The following SGPP2 variants were observed in gnomAD, a reference collection of about 807,000 sequenced individuals.
SGPP2 encodes sphingosine-1-phosphate phosphatase 2, also known as sphingosine 1-phosphate phosphohydrolase 2.
In SGPP2, 30 loss-of-function variants were observed where a neutral mutation model predicts 33.9. The ratio of observed to expected loss-of-function variants is 0.89; its 90% CI spans 0.66 to 1.20. The LOEUF (loss-of-function observed/expected upper bound fraction) is 1.20, where lower values mean the gene tolerates loss of function less well. Ranked by LOEUF, SGPP2 falls within the 50% of genes most tolerant of loss-of-function variation. The pLI is 0.00. For missense variants in SGPP2, 458 were observed against 532.1 expected (o/e 0.86, Z 1.37); for synonymous variants, 233 against 225.0 (o/e 1.04, Z -0.32).
chr2:222,556,043 A>T (rs1292839665), intron 4 of SGPP2, among the ~76,000 whole-genome samples: 3 of 152,194 alleles, frequency 2.0e-5, no homozygotes, highest in Non-Finnish European at 4.4e-5. Context: ...CCAAGGGGAA[A>T]TATGGGGCTG....
rs1443141546 is a variant in SGPP2, at chr2:222,522,039, C to A, written c.558+93C>A. 6 of 1,165,696 alleles carry A rather than the reference C, an allele frequency of 5.1e-6. No individual in the cohort carries two copies. The East Asian group carries it at 1.4e-4, about 26-fold the overall frequency. The allele number at this position is 1,165,696 out of a possible 1,614,324, so 72.2% of individuals were successfully genotyped here. A position where few individuals can be genotyped will look rare whatever the true frequency, so the allele number is the denominator to read the frequency against. On this transcript the variant is annotated intron_variant, in intron 3 of 4. Coordinates refer to ENST00000321276, the MANE Select transcript of SGPP2 (RefSeq NM_152386.4). ...TTTCTCTTAAAGCTGCTTTGAGGGA[C>A]CTTAAGGTTTATGAAATAAAGATTA...
At chr2:222,483,280 C>T (rs139736782) in intron 2 of SGPP2, among the ~76,000 whole-genome samples, 16 of 151,696 alleles carry the variant, frequency 1.1e-4, no homozygotes, top group Non-Finnish European at 1.9e-4. Context: ...AAGGAAAATG[C>T]GTAATTGCGT....
In SGPP2 at chr2:222,511,947, G is replaced by A. The variant is rs113105955; in HGVS notation, c.379-9820G>A. Among the ~76,000 whole-genome samples the A allele has an allele frequency of 4.3e-3, 652 of 152,166 alleles. 1 individual carries two copies. Among genetic ancestry groups the A allele is most frequent in the Non-Finnish European group, 7.2e-3 (492 of 67,994 alleles). On this transcript the variant is annotated intron_variant, in intron 2 of 4. Transcript: ENST00000321276. Reference sequence around the variant, plus strand: ...CCTTCCTTGGCCTCCCAAAGTGCTGGGATTACAGGTATGAGCCACCATGCC... The same window carrying A: ...CCTTCCTTGGCCTCCCAAAGTGCTGAGATTACAGGTATGAGCCACCATGCC...
intron 2 of SGPP2, among the ~76,000 whole-genome samples, chr2:222,497,439 G>A (rs1006303771): frequency 9.2e-5 from 14 of 151,842 alleles, no homozygotes; most frequent in African/African-American, 1.2e-4. Flanking sequence ...TAGAGATAGC[G>A]TTTCACCATG....
intron 1 of SGPP2, among the ~76,000 whole-genome samples, chr2:222,442,227 T>C (rs1697335382): frequency 6.6e-6 from 1 of 152,240 alleles, no homozygotes; most frequent in African/African-American, 2.4e-5. Context: ...TTCTGTTGTT[T>C]CTTTAAAAGT....
chr2:222,534,011 G>A (rs1158084326), intron 4 of SGPP2, among the ~76,000 whole-genome samples: 1 of 152,146 alleles, frequency 6.6e-6, no homozygotes, highest in African/African-American at 2.4e-5. Flanking sequence ...GCATACAGGA[G>A]GCTCAGTTCT....
In SGPP2 at chr2:222,424,755, C is replaced by T. The variant is rs1340337743; in HGVS notation, c.153C>T (p.Leu51=). The change falls in exon 1 of 5, where the codon CTC becomes CTT. Residue 51 remains leucine, a synonymous_variant. Coordinates refer to ENST00000321276, the MANE Select transcript of SGPP2 (RefSeq NM_152386.4). ...RAARVPGVEH[L]PAANGKGGEA... ...CGCGGGTCCCCGGGGTCGAGCATCT[C>T]CCCGCAGCCAACGGCAAGGGCGGCG... is the stretch of plus-strand genomic sequence containing the variant. 2.1e-6 allele frequency: 3 copies of T among 1,412,482 alleles called. No homozygotes were observed. Among genetic ancestry groups the T allele is most frequent in the Admixed American group, 5.7e-5 (2 of 35,124 alleles). The allele number at this position is 1,412,482 out of a possible 1,614,324, so 87.5% of individuals were successfully genotyped here.
intron 1 of SGPP2, among the ~76,000 whole-genome samples, chr2:222,463,692 G>A (rs897014989): frequency 6.6e-6 from 1 of 152,250 alleles, no homozygotes; most frequent in Non-Finnish European, 1.5e-5. Context: ...AAAGAGGGAA[G>A]TGGGAAAGCC....
chr2:222,554,751 C>T (rs1689358721), intron 4 of SGPP2, among the ~76,000 whole-genome samples: 1 of 152,162 alleles, frequency 6.6e-6, no homozygotes, highest in South Asian at 2.1e-4. Context: ...GGGAACCTCG[C>T]CAGGGGTCCA....
chr2:222,494,405 G>A (rs770616502), intron 2 of SGPP2, among the ~76,000 whole-genome samples: 14 of 152,254 alleles, frequency 9.2e-5, no homozygotes, highest in Non-Finnish European at 1.5e-4. Context: ...GAATGTTCAC[G>A]AATGAGCAAA....
At chr2:222,523,125 G>C (rs188495661) in intron 3 of SGPP2, among the ~76,000 whole-genome samples, 3 of 152,344 alleles carry the variant, frequency 2.0e-5, no homozygotes, top group East Asian at 1.9e-4. Flanking sequence ...GCCTCATGTA[G>C]CTGGAAAGAC....
Position 222,424,736 on chromosome 2 carries a change from T to A in SGPP2, c.134T>A (p.Val45Asp). The A allele has an allele frequency of 7.0e-7, 1 of 1,428,256 alleles. No individual in the cohort carries two copies. Among genetic ancestry groups the A allele is most frequent in the Non-Finnish European group, 9.2e-7 (1 of 1,092,390 alleles). The allele number at this position is 1,428,256 out of a possible 1,614,324, so 88.5% of individuals were successfully genotyped here. The change falls in exon 1 of 5, where the codon GTC (valine) becomes GAC (aspartate). Residue 45 changes from valine (V) to aspartate (D), a missense_variant. Coordinates refer to ENST00000321276, the MANE Select transcript of SGPP2 (RefSeq NM_152386.4). ...GACCCCACGGAGCGCGCGGCGCGGG[T>A]CCCCGGGGTCGAGCATCTCCCCGCA... is the stretch of plus-strand genomic sequence containing the variant. The part of the protein sequence containing the change: ...GADPTERAAR[V>D]PGVEHLPAAN...
chr2:222,511,302 A>AT lies in SGPP2; in HGVS notation c.379-10461dup, dbSNP rs576879356. 2.8e-4 allele frequency among the ~76,000 whole-genome samples: 43 copies of AT among 152,212 alleles called. No individual in the cohort carries two copies. In the East Asian group the frequency reaches 6.6e-3, roughly 23 times the overall value. On this transcript the variant is annotated intron_variant, in intron 2 of 4. Coordinates refer to ENST00000321276, the MANE Select transcript of SGPP2 (RefSeq NM_152386.4). ...AATGGTCGACTATCCAGAGAACCAG[A>AT]TTTTCTTTCTATCTATATATTACAT...
At chr2:222,515,274 T>C (rs1698586995) in intron 2 of SGPP2, among the ~76,000 whole-genome samples, 1 of 152,150 alleles carries the variant, frequency 6.6e-6, no homozygotes, top group Non-Finnish European at 1.5e-5. Context: ...TGGTGCCTCA[T>C]CACCAGGTCC....
chr2:222,554,982 C>T (rs1344382607), intron 4 of SGPP2, among the ~76,000 whole-genome samples: 2 of 152,250 alleles, frequency 1.3e-5, no homozygotes, highest in East Asian at 3.9e-4. Flanking sequence ...CCTCAAGCCT[C>T]CCTCCTCCCA....
chr2:222,553,679 G>C (rs780361419), intron 4 of SGPP2, among the ~76,000 whole-genome samples: 1 of 152,182 alleles, frequency 6.6e-6, no homozygotes, highest in African/African-American at 2.4e-5. Context: ...GAAAGGATTC[G>C]TCCTTTTGGA....
At chr2:222,512,380 T>C (rs149128537) in intron 2 of SGPP2, among the ~76,000 whole-genome samples, 1,550 of 152,116 alleles carry the variant, frequency 0.01, 20 homozygotes, top group Middle Eastern at 0.017. Flanking sequence ...AGAGTTCTCA[T>C]ATACCTTCTC....
chr2:222,559,158 CGCG>C lies in SGPP2; in HGVS notation c.*261_*263del, dbSNP rs201218913. The C allele has an allele frequency of 0.2, 14,681 of 73,056 alleles. 1,672 individuals carry two copies. Among genetic ancestry groups the C allele is most frequent in the East Asian group, 0.34 (1,426 of 4,134 alleles). 4.5% of individuals were successfully genotyped at this position (73,056 alleles called of 1,614,324 possible). On this transcript the variant is annotated 3_prime_UTR_variant, in exon 5 of 5. Coordinates refer to ENST00000321276, the MANE Select transcript of SGPP2 (RefSeq NM_152386.4). ...AATCCGGATCTTTAAAGGCACACAC[CGCG>C]CCCCCCCCCCCCCCGCCCGGCCCCT...
At chr2:222,488,622 T>C (rs911772288) in intron 2 of SGPP2, among the ~76,000 whole-genome samples, 1 of 152,166 alleles carries the variant, frequency 6.6e-6, no homozygotes, top group Non-Finnish European at 1.5e-5. Flanking sequence ...CTAGGAATCA[T>C]GTGGCCTTAC....
Sources: allele counts gnomAD v4.1 joint callset (sites outside exome capture counted in the v4.1 genomes callset), GRCh38; gene constraint gnomAD v4.1.1; transcripts MANE v1.5; gene names NCBI Gene and HGNC (gene_info 2026-07-23, HGNC 2026-07-21).